CALD1: variants seen among roughly 807,000 people sequenced by gnomAD.
CALD1 encodes caldesmon 1, also known as caldesmon.
CALD1 carries 33 observed loss-of-function variants against 99.9 expected under a neutral mutation model. The ratio of observed to expected loss-of-function variants is 0.33; its 90% CI spans 0.25 to 0.44. The LOEUF is 0.44. Among genes scored for constraint, CALD1 ranks in the 20% least tolerant of loss-of-function variants. CALD1 has a pLI of 1.00. For missense variants in CALD1, 861 were observed against 962.1 expected, an observed-to-expected ratio of 0.89 and a Z score of 1.39; for synonymous variants, 310 against 325.0, an observed-to-expected ratio of 0.95 and a Z score of 0.50.
intron 1 of CALD1, among the ~76,000 whole-genome samples, chr7:134,769,591 C>A (rs1796860505): frequency 6.6e-6 from 1 of 150,596 alleles, no homozygotes; most frequent in East Asian, 2.0e-4. Flanking sequence ...TACACACACT[C>A]TCTCTCTCTG....
intron 1 of CALD1, among the ~76,000 whole-genome samples, chr7:134,781,797 T>G (rs903361906): frequency 6.6e-6 from 1 of 152,238 alleles, no homozygotes. Flanking sequence ...AAGATTGCCT[T>G]AAGTAAATAC....
chr7:134,835,214 G>A (rs7777356), intron 1 of CALD1, among the ~76,000 whole-genome samples: 12,837 of 152,200 alleles, frequency 0.084, 662 homozygotes, highest in African/African-American at 0.13. Flanking sequence ...GTAGGACAAG[G>A]TGATTCTAGA....
At chr7:134,722,567 G>C in the CALD1 span, among the ~76,000 whole-genome samples, 1 of 152,078 alleles carries the variant, frequency 6.6e-6, no homozygotes, top group South Asian at 2.1e-4. Flanking sequence ...GATTACAGGA[G>C]CATGCCACCA....
chr7:134,939,392 T>G (rs1806248551), intron 6 of CALD1, among the ~76,000 whole-genome samples: 1 of 152,224 alleles, frequency 6.6e-6, no homozygotes, highest in Non-Finnish European at 1.5e-5. Flanking sequence ...TTTGTCCAAG[T>G]AACACAACTA....
intron 3 of CALD1, among the ~76,000 whole-genome samples, chr7:134,872,274 C>A (rs1312073954): frequency 6.8e-6 from 1 of 146,380 alleles, no homozygotes; most frequent in Non-Finnish European, 1.5e-5. Context: ...AGGAGAATCG[C>A]TTGAACCTGG....
At chr7:134,854,547 C>T (rs1563046141) in intron 2 of CALD1, among the ~76,000 whole-genome samples, 1 of 151,792 alleles carries the variant, frequency 6.6e-6, no homozygotes, top group Non-Finnish European at 1.5e-5. Context: ...TTTAATGACA[C>T]ACTCACATTC....
chr7:134,859,992 T>A (rs3800744), intron 2 of CALD1, among the ~76,000 whole-genome samples: 14,931 of 152,090 alleles, frequency 0.098, 824 homozygotes, highest in South Asian at 0.19. Flanking sequence ...ATGGTAATGC[T>A]AAGAGATTGT....
intron 1 of CALD1, among the ~76,000 whole-genome samples, chr7:134,830,331 T>C (rs149600970): frequency 3.9e-5 from 6 of 152,332 alleles, no homozygotes; most frequent in African/African-American, 1.4e-4. Flanking sequence ...ATTTTAATAA[T>C]TTAATTTGCT....
intron 3 of CALD1, among the ~76,000 whole-genome samples, chr7:134,870,486 T>G (rs1008922717): frequency 1.3e-5 from 2 of 152,172 alleles, no homozygotes; most frequent in Non-Finnish European, 2.9e-5. Flanking sequence ...TCCTTTGACT[T>G]TTTTGTTTTG....
At chr7:134,953,663 T>G (rs1233882533) in intron 9 of CALD1, among the ~76,000 whole-genome samples, 1 of 130,708 alleles carries the variant, frequency 7.7e-6, no homozygotes, top group Non-Finnish European at 1.7e-5. Context: ...GTGGTTTTTT[T>G]TTTTTGTTTT....
chr7:134,926,217 A>G (rs1440815297), intron 3 of CALD1, among the ~76,000 whole-genome samples: 1 of 152,236 alleles, frequency 6.6e-6, no homozygotes, highest in Non-Finnish European at 1.5e-5. Flanking sequence ...GCCACAACAT[A>G]TCTATCTATT....
chr7:134,767,195 CTGTGTGTGTGTG>C (rs34026828), intron 1 of CALD1, among the ~76,000 whole-genome samples: 9 of 149,000 alleles, frequency 6.0e-5, no homozygotes, highest in South Asian at 2.2e-4. Context: ...CTCTCTGTCT[CTGTGTGTGTGTG>C]TGTGTGTGTG....
intron 1 of CALD1, among the ~76,000 whole-genome samples, chr7:134,840,219 T>C (rs1383064120): frequency 1.3e-5 from 2 of 152,224 alleles, no homozygotes; most frequent in African/African-American, 4.8e-5. Flanking sequence ...GGGGGAATGA[T>C]GCTAAATAGA....
At chr7:134,859,648 G>A (rs776360954) in intron 2 of CALD1, among the ~76,000 whole-genome samples, 5 of 152,168 alleles carry the variant, frequency 3.3e-5, no homozygotes, top group Non-Finnish European at 5.9e-5. Flanking sequence ...AGCTTTATAT[G>A]TCTCAGTCTC....
chr7:134,844,328 C>G (rs1215581718), intron 2 of CALD1: 1 of 152,122 alleles, frequency 6.6e-6, no homozygotes, highest in Non-Finnish European at 1.5e-5. Context: ...CATGAGTCAG[C>G]CTTCCAAGGT....
chr7:134,954,983 C>T (rs1181172729), intron 9 of CALD1, among the ~76,000 whole-genome samples: 1 of 152,230 alleles, frequency 6.6e-6, no homozygotes, highest in Admixed American at 6.5e-5. Flanking sequence ...CAGATAGTTA[C>T]TTCTTATACA....
At chr7:134,761,678 G>A (rs1409492693) in intron 1 of CALD1, among the ~76,000 whole-genome samples, 1 of 152,166 alleles carries the variant, frequency 6.6e-6, no homozygotes, top group East Asian at 1.9e-4. Flanking sequence ...CACTCTTTCT[G>A]TGTTAGAACT....
At chr7:134,886,671 T>C (rs916200367) in intron 3 of CALD1, among the ~76,000 whole-genome samples, 1 of 152,202 alleles carries the variant, frequency 6.6e-6, no homozygotes, top group South Asian at 2.1e-4. Context: ...TTAATACCTG[T>C]GGCCCTCCTA....
intron 1 of CALD1, among the ~76,000 whole-genome samples, chr7:134,784,987 A>G (rs79924220): frequency 0.018 from 2,731 of 152,256 alleles, 75 homozygotes; most frequent in African/African-American, 0.062. Context: ...TAGGAGGAGG[A>G]CATCAAAGGC....
Sources: gnomAD v4.1 joint callset for allele counts (sites outside exome capture counted in the v4.1 genomes callset) on GRCh38, gnomAD v4.1.1 for gene constraint, MANE v1.5 for transcripts, NCBI Gene and HGNC (gene_info 2026-07-23, HGNC 2026-07-21) for gene names.